TMEM132C: variants seen among roughly 807,000 people sequenced by gnomAD.
TMEM132C encodes protein phosphatase 1, regulatory subunit 152.
A neutral mutation model predicts 61.4 loss-of-function variants in TMEM132C; 29 were observed. The ratio of observed to expected loss-of-function variants is 0.47; its 90% CI spans 0.35 to 0.64. The LOEUF is 0.64. Ranked by LOEUF, TMEM132C falls within the 30% of genes least tolerant of loss-of-function variation. The pLI, the probability that TMEM132C is intolerant of heterozygous loss-of-function variation, is 0.00. For synonymous variants in TMEM132C, 656 were observed against 633.1 expected (o/e 1.04, Z -0.54); for missense variants, 1,408 against 1,476.9 (o/e 0.95, Z 0.76).
At chr12:128,396,398 C>T (rs1057448767) in intron 1 of TMEM132C, among the ~76,000 whole-genome samples, 11 of 151,494 alleles carry the variant, frequency 7.3e-5, no homozygotes, top group Admixed American at 6.6e-4. Flanking sequence ...GGGTGAGGGG[C>T]AGGGGAAGAG....
rs372917129 is a variant in TMEM132C, at chr12:128,656,595, G to C, written c.1306-12822G>C. Among the ~76,000 whole-genome samples, 179 of 152,336 alleles carry C rather than the reference G, an allele frequency of 1.2e-3. 2 individuals are homozygous for C. The highest frequency in any genetic ancestry group is 3.9e-3 in the African/African-American group (162 of 41,574). On this transcript the variant is annotated intron_variant, in intron 4 of 8. Coordinates refer to ENST00000435159, the MANE Select transcript of TMEM132C (RefSeq NM_001136103.3). ...CACTGGAGGAATTGGTAAAGCACTG[G>C]TAAATGTGCCCCACCAACCTTCAGA...
chr12:128,589,606 G>T (rs1182509439), intron 3 of TMEM132C, among the ~76,000 whole-genome samples: 1 of 137,272 alleles, frequency 7.3e-6, no homozygotes. Flanking sequence ...ATCTATTTTA[G>T]CATGAAAAGC....
intron 2 of TMEM132C, among the ~76,000 whole-genome samples, chr12:128,534,351 G>A (rs539049607): frequency 7.2e-5 from 11 of 152,324 alleles, no homozygotes; most frequent in African/African-American, 1.9e-4. Flanking sequence ...TGAGTCCCAC[G>A]TGGATGCATT....
At chr12:128,440,302 T>A (rs1869740203) in intron 2 of TMEM132C, among the ~76,000 whole-genome samples, 1 of 152,218 alleles carries the variant, frequency 6.6e-6, no homozygotes, top group Non-Finnish European at 1.5e-5. Context: ...TTAGTTGTAG[T>A]TCTCAACTGC....
chr12:128,286,418 G>A (rs935717149), intron 1 of TMEM132C, among the ~76,000 whole-genome samples: 1 of 152,188 alleles, frequency 6.6e-6, no homozygotes, highest in Non-Finnish European at 1.5e-5. Context: ...AGTTTGTGAG[G>A]CCAGGGCCAC....
At chr12:128,313,874 A>T (rs576933056) in intron 1 of TMEM132C, among the ~76,000 whole-genome samples, 2 of 152,360 alleles carry the variant, frequency 1.3e-5, no homozygotes, top group Admixed American at 1.3e-4. Flanking sequence ...ATGGCCAAGC[A>T]TGTGGGGATT....
intron 2 of TMEM132C, among the ~76,000 whole-genome samples, chr12:128,437,261 G>A (rs528070936): frequency 7.6e-4 from 116 of 152,282 alleles, no homozygotes; most frequent in African/African-American, 2.4e-3. Flanking sequence ...AAACCTGCAC[G>A]TTGTGCACAT....
chr12:128,635,456 T>G (rs1272066212), intron 4 of TMEM132C, among the ~76,000 whole-genome samples: 3 of 131,034 alleles, frequency 2.3e-5, no homozygotes, highest in Non-Finnish European at 4.7e-5. Context: ...ATGAAATGAG[T>G]TTTTTCTTTT....
intron 1 of TMEM132C, among the ~76,000 whole-genome samples, chr12:128,402,305 AGTCATGTGG>A (rs111932387): frequency 0.016 from 2,477 of 152,158 alleles, 44 homozygotes; most frequent in East Asian, 0.043. Flanking sequence ...GGTAGCCATG[AGTCATGTGG>A]GTTTGTTTTA....
intron 2 of TMEM132C, among the ~76,000 whole-genome samples, chr12:128,420,400 C>G (rs1407746100): frequency 6.6e-6 from 1 of 152,036 alleles, no homozygotes; most frequent in Non-Finnish European, 1.5e-5. Context: ...GGGATGCTTG[C>G]TTGGTTTGTT....
chr12:128,563,669 C>T (rs1463427489), intron 3 of TMEM132C, among the ~76,000 whole-genome samples: 1 of 152,164 alleles, frequency 6.6e-6, no homozygotes, highest in Non-Finnish European at 1.5e-5. Flanking sequence ...GGAAGAATGA[C>T]TCTTCAGACC....
At chr12:128,397,123 C>A (rs1284590009) in intron 1 of TMEM132C, among the ~76,000 whole-genome samples, 1 of 152,164 alleles carries the variant, frequency 6.6e-6, no homozygotes, top group Non-Finnish European at 1.5e-5. Context: ...GCCTCACTGG[C>A]CCCAGGGTGG....
chr12:128,624,067 C>T (rs1953991887), intron 4 of TMEM132C, among the ~76,000 whole-genome samples: 1 of 152,132 alleles, frequency 6.6e-6, no homozygotes, highest in East Asian at 1.9e-4. Context: ...TCATTTTTTG[C>T]CATTTCCAAA....
chr12:128,360,757 C>G (rs1257123798), intron 1 of TMEM132C, among the ~76,000 whole-genome samples: 1 of 152,168 alleles, frequency 6.6e-6, no homozygotes, highest in African/African-American at 2.4e-5. Flanking sequence ...ATCACGGAAG[C>G]TTTAGACCTT....
chr12:128,517,890 G>A (rs578139172), intron 2 of TMEM132C, among the ~76,000 whole-genome samples: 17 of 152,280 alleles, frequency 1.1e-4, no homozygotes, highest in African/African-American at 3.6e-4. Context: ...CGGGGAGGAA[G>A]GCCTCAGACA....
At chr12:128,280,784 A>G (rs150610105) in intron 1 of TMEM132C, among the ~76,000 whole-genome samples, 1 of 152,256 alleles carries the variant, frequency 6.6e-6, no homozygotes, top group East Asian at 1.9e-4. Context: ...CTCTCTCTCA[A>G]TAATCCCAGC....
chr12:128,579,747 G>A (rs1426042530), intron 3 of TMEM132C, among the ~76,000 whole-genome samples: 1 of 152,154 alleles, frequency 6.6e-6, no homozygotes. Context: ...GGAAGCAGAG[G>A]AGAAGAATGA....
intron 5 of TMEM132C, among the ~76,000 whole-genome samples, chr12:128,675,838 A>AAGAT (rs369218169): frequency 0.3 from 42,892 of 142,884 alleles, 6,573 homozygotes; most frequent in Non-Finnish European, 0.34. Context: ...AGATAGATAG[A>AAGAT]AGATAGATAG....
Position 128,285,587 on chromosome 12 carries a change from C to T in TMEM132C, c.85+18100C>T, listed in dbSNP as rs555364484. ...TGACTAAAAGAGGAGAGGAACCAGC[C>T]GGACCCAGGGGTTCACTGGGATTTG... is the stretch of plus-strand genomic sequence containing the variant. On this transcript the variant is annotated intron_variant, in intron 1 of 8. Transcript: ENST00000435159. Among the ~76,000 whole-genome samples, 35 of 152,090 alleles carry T rather than the reference C, an allele frequency of 2.3e-4. No homozygotes were observed. The East Asian group carries it at 6.4e-3, about 28-fold the overall frequency.
Sources: allele counts gnomAD v4.1 joint callset (sites outside exome capture counted in the v4.1 genomes callset), GRCh38; gene constraint gnomAD v4.1.1; transcripts MANE v1.5; gene names NCBI Gene and HGNC (gene_info 2026-07-23, HGNC 2026-07-21).